Variants in LRBA observed in about 807,000 individuals in gnomAD.
LRBA encodes the protein LPS responsive beige-like anchor protein.
Under a neutral mutation model 330.0 loss-of-function variants are expected in LRBA, and 176 were observed. The observed-to-expected ratio is 0.53, with a 90% confidence interval of 0.47 to 0.60. The LOEUF (loss-of-function observed/expected upper bound fraction) is 0.60. Among genes scored for constraint, LRBA ranks in the 20% least tolerant of loss-of-function variants. The pLI, the probability that LRBA is intolerant of heterozygous loss-of-function variation, is 0.00. For missense variants in LRBA, 3,259 were observed against 3,444.8 expected (o/e 0.95, Z 1.35); for synonymous variants, 1,230 against 1,193.0 (o/e 1.03, Z -0.64).
chr4:150,957,401 G>C (rs1737651284), intron 2 of LRBA, among the ~76,000 whole-genome samples: 1 of 148,340 alleles, frequency 6.7e-6, no homozygotes, highest in Admixed American at 6.6e-5. Flanking sequence ...ACTATCAAGA[G>C]AACAGCACGG....
chr4:150,930,237 C>T (rs1734342645), intron 2 of LRBA, among the ~76,000 whole-genome samples: 1 of 152,040 alleles, frequency 6.6e-6, no homozygotes, highest in African/African-American at 2.4e-5. Context: ...ATCACTTGAA[C>T]CTGAGTGGCA....
At chr4:150,716,436 T>G (rs753363592) in intron 36 of LRBA, among the ~76,000 whole-genome samples, 1 of 152,138 alleles carries the variant, frequency 6.6e-6, no homozygotes, top group South Asian at 2.1e-4. Context: ...GACCTTTGCA[T>G]TACCTTCGCA....
chr4:150,553,039 A>T (rs546486732), intron 40 of LRBA, among the ~76,000 whole-genome samples: 4 of 151,846 alleles, frequency 2.6e-5, no homozygotes, highest in South Asian at 2.1e-4. Context: ...ACTGCACTCC[A>T]GCCTGGGCGA....
At chr4:150,920,307 G>C (rs1009554155) in intron 5 of LRBA, among the ~76,000 whole-genome samples, 1 of 152,158 alleles carries the variant, frequency 6.6e-6, no homozygotes, top group Non-Finnish European at 1.5e-5. Flanking sequence ...CCAGCACTTC[G>C]GGAGGCTGAG....
chr4:150,265,727 A>G lies in LRBA; in HGVS notation c.8554T>C (p.Tyr2852His). ...TTGATGTACAGCTGTCACCATCAGTAGCGGGTTTGGTATTCATGATGCCAC... is the reference window on the plus strand; with the variant it reads ...TTGATGTACAGCTGTCACCATCAGTGGCGGGTTTGGTATTCATGATGCCAC... ...NRWHHEYQTR[Y>H] is the part of the protein sequence containing the mutation. The change falls in exon 57 of 57, where the codon TAC becomes CAC. Residue 2852 changes from tyrosine (Y) to histidine (H), a missense_variant. Physicochemically the swap from Tyr to His is moderately conservative, Grantham distance 83 (BLOSUM62 2). Coordinates refer to ENST00000651943, the MANE Select transcript of LRBA (RefSeq NM_001364905.1). 6.2e-7 allele frequency: 1 copy of G among 1,607,170 alleles called. No homozygotes were observed.
At chr4:150,958,946 C>T (rs1579321679) in intron 2 of LRBA, among the ~76,000 whole-genome samples, 1 of 149,396 alleles carries the variant, frequency 6.7e-6, no homozygotes, top group Non-Finnish European at 1.5e-5. Flanking sequence ...TTCTTCTAAG[C>T]CCTCCAAACT....
At chr4:150,788,776 A>G (rs1739465713) in intron 34 of LRBA, among the ~76,000 whole-genome samples, 1 of 128,534 alleles carries the variant, frequency 7.8e-6, no homozygotes, top group African/African-American at 2.9e-5. Flanking sequence ...AAAAAAAAAA[A>G]GAAAATTCAA....
intron 36 of LRBA, among the ~76,000 whole-genome samples, chr4:150,727,270 C>T (rs562581636): frequency 5.9e-5 from 9 of 151,936 alleles, no homozygotes; most frequent in Admixed American, 3.9e-4. Flanking sequence ...GACGGGGTTT[C>T]GCCATGTTGG....
chr4:150,765,448 A>G (rs1183844711), intron 34 of LRBA, among the ~76,000 whole-genome samples: 1 of 152,146 alleles, frequency 6.6e-6, no homozygotes, highest in African/African-American at 2.4e-5. Flanking sequence ...ATGCATTATA[A>G]CACACATGCC....
chr4:150,725,687 G>C (rs1729573808), intron 36 of LRBA, among the ~76,000 whole-genome samples: 1 of 152,126 alleles, frequency 6.6e-6, no homozygotes, highest in Non-Finnish European at 1.5e-5. Flanking sequence ...GAAAAGCACA[G>C]GATAGTATTA....
At chr4:150,364,951 T>C (rs1264722705) in intron 47 of LRBA, among the ~76,000 whole-genome samples, 3 of 151,756 alleles carry the variant, frequency 2.0e-5, no homozygotes, top group African/African-American at 7.3e-5. Context: ...TAAAAATGTA[T>C]ATCATAAATA....
At position 150,867,820 on chromosome 4, in the gene LRBA, G is replaced by A. The variant is rs888465668; in HGVS notation, c.2617C>T (p.Leu873Phe). The change falls in exon 22 of 57, where the codon CTC becomes TTC. Residue 873 changes from leucine to phenylalanine, a missense_variant. Physicochemically the swap from Leu to Phe is conservative, Grantham distance 22. Coordinates refer to ENST00000651943, the MANE Select transcript of LRBA (RefSeq NM_001364905.1). ...CSVWQEWMLS[L>F]CYFNPKNSDE... ...GAATTCTTAGGATTAAAATAGCAGA[G>A]AGAAAGCATCCATTCTTGCCACACA... 4.3e-6 allele frequency: 7 copies of A among 1,613,334 alleles called. No homozygotes were observed. Among genetic ancestry groups the A allele is most frequent in the Non-Finnish European group, 5.1e-6 (6 of 1,179,716 alleles).
chr4:150,512,665 C>T (rs1334117681), intron 40 of LRBA, among the ~76,000 whole-genome samples: 1 of 150,174 alleles, frequency 6.7e-6, no homozygotes, highest in East Asian at 2.0e-4. Flanking sequence ...TATAAGCCAC[C>T]CAGTCTATGG....
chr4:150,916,753 CTT>C lies in LRBA; in HGVS notation c.646-17_646-16del, dbSNP rs761614271. On this transcript the variant is annotated splice_polypyrimidine_tract_variant and intron_variant, in intron 5 of 56. Transcript: ENST00000651943. ...AATGCAATAGCCTAAAGGAAAGAAA[CTT>C]TGAGTTATTAACTCACGTGAAAACC... The C allele has an allele frequency of 6.6e-6, 10 of 1,522,202 alleles. No homozygotes were observed. Among genetic ancestry groups the C allele is most frequent in the Non-Finnish European group, 7.9e-6 (9 of 1,140,656 alleles). 94.3% of individuals were successfully genotyped at this position (1,522,202 alleles called of 1,614,324 possible).
At chr4:150,661,195 G>C (rs997227038) in intron 37 of LRBA, among the ~76,000 whole-genome samples, 1 of 151,376 alleles carries the variant, frequency 6.6e-6, no homozygotes, top group Admixed American at 6.6e-5. Flanking sequence ...CAGAGGCCAG[G>C]CATGGTGGCT....
At chr4:150,409,997 T>C (rs1304216957) in intron 47 of LRBA, among the ~76,000 whole-genome samples, 1 of 152,146 alleles carries the variant, frequency 6.6e-6, no homozygotes, top group Non-Finnish European at 1.5e-5. Context: ...GCTGTTTACA[T>C]TCTTGGCCAC....
chr4:150,838,165 TA>T (rs1308158696), intron 28 of LRBA, among the ~76,000 whole-genome samples: 1 of 152,240 alleles, frequency 6.6e-6, no homozygotes, highest in Non-Finnish European at 1.5e-5. Flanking sequence ...GATCCGCTCT[TA>T]GTCTGATGAG....
chr4:150,297,585 G>C (rs1390746962), intron 53 of LRBA, among the ~76,000 whole-genome samples: 3 of 152,158 alleles, frequency 2.0e-5, no homozygotes, highest in African/African-American at 7.2e-5. Flanking sequence ...ACACACACAA[G>C]AACTCTTGTT....
intron 46 of LRBA, among the ~76,000 whole-genome samples, chr4:150,425,092 AG>A (rs1749388541): frequency 6.6e-6 from 1 of 152,232 alleles, no homozygotes; most frequent in Non-Finnish European, 1.5e-5. Context: ...CATCTTTCTA[AG>A]AACCATATCT....
Sources: gnomAD v4.1 joint callset for allele counts (sites outside exome capture counted in the v4.1 genomes callset) on GRCh38, gnomAD v4.1.1 for gene constraint, MANE v1.5 for transcripts, NCBI Gene and HGNC (gene_info 2026-07-23, HGNC 2026-07-21) for gene names.